Variants in HCAR1 observed in about 807,000 individuals in gnomAD.
HCAR1 encodes G protein-coupled receptor 104.
For missense variants in HCAR1, 445 were observed against 448.7 expected (o/e 0.99, Z 0.07); for synonymous variants, 183 against 182.1 (o/e 1.01, Z -0.04).
At position 122,730,210 on chromosome 12, in the gene HCAR1, T is replaced by G; in HGVS notation, c.130A>C (p.Met44Leu). 3 of 1,614,164 alleles carry G rather than the reference T, an allele frequency of 1.9e-6. No individual in the cohort carries two copies. Among genetic ancestry groups the G allele is most frequent in the Non-Finnish European group, 2.5e-6 (3 of 1,180,026 alleles). Residue 44 changes from methionine (M) to leucine (L), a missense_variant, in exon 1 of 1, where the codon ATG becomes CTG. Coordinates refer to ENST00000432564, the MANE Select transcript of HCAR1 (RefSeq NM_032554.4). ...ACAGTGCTGGGCTTCCAGGTCTTCA[T>G]GTGGAAGCAGAAACCACACAGGGCG... ...GVALCGFCFHMKTWKPSTVYL... is the reference protein window; with the variant it reads ...GVALCGFCFHLKTWKPSTVYL...
In HCAR1 at chr12:122,730,104, C is replaced by G. The variant is rs1463262622; in HGVS notation, c.236G>C (p.Arg79Thr). The change falls in exon 1 of 1, where the codon AGA becomes ACA. Residue 79 changes from arginine to threonine, a missense_variant. Arg to Thr is a moderately conservative substitution (Grantham distance 71). Coordinates refer to ENST00000432564, the MANE Select transcript of HCAR1 (RefSeq NM_032554.4). ...GGGAATGTCCCCAAAAGCCCAGTGT[C>G]TACGTCTGAGGTAATAGTCTGTCCG... Reference protein sequence around the residue: ...PFRTDYYLRRRHWAFGDIPCR... With the variant: ...PFRTDYYLRRTHWAFGDIPCR... 1 of 1,614,142 alleles carries G rather than the reference C, an allele frequency of 6.2e-7. No individual in the cohort carries two copies. Among genetic ancestry groups the G allele is most frequent in the Non-Finnish European group, 8.5e-7 (1 of 1,180,020 alleles).
In HCAR1 at chr12:122,730,437, C is replaced by G; in HGVS notation, c.-98G>C. 2 of 942,576 alleles carry G rather than the reference C, an allele frequency of 2.1e-6. No individual in the cohort carries two copies. The highest frequency in any genetic ancestry group is 3.1e-6 in the Non-Finnish European group (2 of 645,992). 58.4% of individuals were successfully genotyped at this position (942,576 alleles called of 1,614,324 possible). A position where few individuals can be genotyped will look rare whatever the true frequency, so the allele number is the denominator to read the frequency against. On this transcript the variant is annotated 5_prime_UTR_variant, in exon 1 of 1. Transcript: ENST00000432564. ...AGCGTTAGCACTCACCCAGCTGCTG[C>G]GTGTCTGACTTCATCACCCAGGATG...
rs1877865794 is a variant in HCAR1, at chr12:122,729,183, C to T, written c.*116G>A. The T allele has an allele frequency of 1.1e-5, 9 of 856,414 alleles. No homozygotes were observed. Among genetic ancestry groups the T allele is most frequent in the East Asian group, 2.5e-5 (1 of 39,964 alleles). The allele number at this position is 856,414 out of a possible 1,614,324, so 53.1% of individuals were successfully genotyped here. A position where few individuals can be genotyped will look rare whatever the true frequency, so the allele number is the denominator to read the frequency against. On this transcript the variant is annotated 3_prime_UTR_variant, in exon 1 of 1. Coordinates refer to ENST00000432564, the MANE Select transcript of HCAR1 (RefSeq NM_032554.4). ...GAATGAGAAGGATGCAGTTCATGTG[C>T]GAGAAGCCGTCTTGCAATAAGAAAG...
Position 122,729,434 on chromosome 12 carries a change from T to C in HCAR1, c.906A>G (p.Pro302=), listed in dbSNP as rs1344437045. ...CCGGCCTTTGTGTTTTTGAGTGTCC[T>C]GGCTGCTTGGGTTTCAGACTGCAGA... is the stretch of plus-strand genomic sequence containing the variant. ...LKICSLKPKQ[P]GHSKTQRPEE... The change falls in exon 1 of 1, where the codon CCA becomes CCG. Residue 302 remains proline (P), a synonymous_variant. Transcript: ENST00000432564. The C allele has an allele frequency of 1.2e-5, 20 of 1,614,124 alleles. No homozygotes were observed. Among genetic ancestry groups the C allele is most frequent in the Non-Finnish European group, 1.6e-5 (19 of 1,180,030 alleles).
rs954286130 is a variant in HCAR1 at position 122,729,201 on chromosome 12, TAAG to T, written c.*95_*97del. On this transcript the variant is annotated 3_prime_UTR_variant, in exon 1 of 1. Transcript: ENST00000432564. The stretch of plus-strand genomic sequence containing the variant: ...TCATGTGCGAGAAGCCGTCTTGCAA[TAAG>T]AAAGGGGGGTGGCATTTTCAAAGCC... 2.8e-6 allele frequency: 3 copies of T among 1,089,320 alleles called. No individual in the cohort carries two copies. The highest frequency in any genetic ancestry group is 3.1e-5 in the African/African-American group (2 of 63,570). 67.5% of individuals were successfully genotyped at this position (1,089,320 alleles called of 1,614,324 possible). A position where few individuals can be genotyped will look rare whatever the true frequency, so the allele number is the denominator to read the frequency against.
Position 122,729,583 on chromosome 12 carries a change from C to T in HCAR1, c.757G>A (p.Asp253Asn), listed in dbSNP as rs36124671. 61 of 1,613,874 alleles carry T rather than the reference C, an allele frequency of 3.8e-5. No homozygotes were observed. In the South Asian group the frequency reaches 5.4e-4, roughly 14 times the overall value. The change falls in exon 1 of 1, where the codon GAT (aspartate) becomes AAT (asparagine). Residue 253 changes from aspartate (D) to asparagine (N), a missense_variant. Asp to Asn is a conservative substitution (Grantham distance 23). Transcript: ENST00000432564. ...FLWTVPSSAC[D>N]PSVHGALHIT... ...TGCAGGGCCCCATGGACAGAGGGATCGCAGGCACTCGAGGGCACCGTCCAG... is the reference window on the plus strand; with the variant it reads ...TGCAGGGCCCCATGGACAGAGGGATTGCAGGCACTCGAGGGCACCGTCCAG...
In HCAR1 at chr12:122,729,294, CT is replaced by C; in HGVS notation, c.*4del. 6.2e-7 allele frequency: 1 copy of C among 1,610,762 alleles called. No individual in the cohort carries two copies. Among genetic ancestry groups the C allele is most frequent in the Non-Finnish European group, 8.5e-7 (1 of 1,177,498 alleles). On this transcript the variant is annotated 3_prime_UTR_variant, in exon 1 of 1. Transcript: ENST00000432564. ...TATCTTCCTCAGTGTTGTTGGTCTG[CT>C]TGTTCAGTGCCACTCAACAATGTGG...
In HCAR1 at chr12:122,727,853, T is replaced by C. The variant is rs1420011661; in HGVS notation, c.*1446A>G. 1 of 152,174 alleles carries C rather than the reference T, an allele frequency of 6.6e-6. No homozygotes were observed. The highest frequency in any genetic ancestry group is 2.4e-5 in the African/African-American group (1 of 41,426). 9.4% of individuals were successfully genotyped at this position (152,174 alleles called of 1,614,324 possible). A position where few individuals can be genotyped will look rare whatever the true frequency, so the allele number is the denominator to read the frequency against. ...GGAGTTGAGAACCATGTTCACCACTTTGTAGCTTGAGAAAGGAGCTAGAGT... is the reference window on the plus strand; with the variant it reads ...GGAGTTGAGAACCATGTTCACCACTCTGTAGCTTGAGAAAGGAGCTAGAGT... On this transcript the variant is annotated 3_prime_UTR_variant, in exon 1 of 1. Coordinates refer to ENST00000432564, the MANE Select transcript of HCAR1 (RefSeq NM_032554.4).
At position 122,726,940 on chromosome 12, in the gene HCAR1, T is replaced by TATATATATAGATAG. The variant is rs1555249868; in HGVS notation, c.*2358_*2359insCTATCTATATATAT. 2 of 131,402 alleles carry TATATATATAGATAG rather than the reference T, an allele frequency of 1.5e-5. No individual in the cohort carries two copies. Among genetic ancestry groups the TATATATATAGATAG allele is most frequent in the African/African-American group, 6.1e-5 (2 of 32,672 alleles). The allele number at this position is 131,402 out of a possible 1,614,324, so 8.1% of individuals were successfully genotyped here. ...AAAAAAAAAAAAAAATATATATATA[T>TATATATATAGATAG]ATAGATAGATAGATATCTATATATC... On this transcript the variant is annotated 3_prime_UTR_variant, in exon 1 of 1. Coordinates refer to ENST00000432564, the MANE Select transcript of HCAR1 (RefSeq NM_032554.4).
rs1877843468 is a variant in HCAR1 at position 122,728,411 on chromosome 12, C to CGTACAGATGTACATTTGGACAAAAT, written c.*863_*887dup. 6.6e-6 allele frequency: 1 copy of CGTACAGATGTACATTTGGACAAAAT among 152,030 alleles called. No individual in the cohort carries two copies. The highest frequency in any genetic ancestry group is 1.5e-5 in the Non-Finnish European group (1 of 68,030). The allele number at this position is 152,030 out of a possible 1,614,324, so 9.4% of individuals were successfully genotyped here. A position where few individuals can be genotyped will look rare whatever the true frequency, so the allele number is the denominator to read the frequency against. On this transcript the variant is annotated 3_prime_UTR_variant, in exon 1 of 1. Transcript: ENST00000432564. Reference sequence around the variant, plus strand: ...ACCAGGAAGTCACAATGATGACAGACGTACAGATGTACATTTGGACAAAAT... The same window carrying CGTACAGATGTACATTTGGACAAAAT: ...ACCAGGAAGTCACAATGATGACAGACGTACAGATGTACATTTGGACAAAATGTACAGATGTACATTTGGACAAAAT...
chr12:122,730,431 C>A lies in HCAR1; in HGVS notation c.-92G>T. The A allele has an allele frequency of 9.9e-7, 1 of 1,009,134 alleles. No homozygotes were observed. The highest frequency in any genetic ancestry group is 1.4e-6 in the Non-Finnish European group (1 of 703,724). 62.5% of individuals were successfully genotyped at this position (1,009,134 alleles called of 1,614,324 possible). A position where few individuals can be genotyped will look rare whatever the true frequency, so the allele number is the denominator to read the frequency against. The stretch of plus-strand genomic sequence containing the variant: ...TATCTGAGCGTTAGCACTCACCCAG[C>A]TGCTGCGTGTCTGACTTCATCACCC... On this transcript the variant is annotated 5_prime_UTR_variant, in exon 1 of 1. Transcript: ENST00000432564.
rs973973477 is a variant in HCAR1, at chr12:122,730,676, CG to C, written c.-338del. 8.4e-6 allele frequency: 2 copies of C among 238,896 alleles called. No individual in the cohort carries two copies. Among genetic ancestry groups the C allele is most frequent in the African/African-American group, 4.5e-5 (2 of 44,146 alleles). 14.8% of individuals were successfully genotyped at this position (238,896 alleles called of 1,614,324 possible). A position where few individuals can be genotyped will look rare whatever the true frequency, so the allele number is the denominator to read the frequency against. Reference sequence around the variant, plus strand: ...TGAGAGGCGGTAGGGTGGGGGGGTCCGATGAGATTGATGCCGTAGAGGAGCG... The same window carrying C: ...TGAGAGGCGGTAGGGTGGGGGGGTCCATGAGATTGATGCCGTAGAGGAGCG... On this transcript the variant is annotated 5_prime_UTR_variant, in exon 1 of 1. The change creates a new upstream start codon in the 5' untranslated region. Transcript: ENST00000432564.
chr12:122,729,935 G>A lies in HCAR1; in HGVS notation c.405C>T (p.Ile135=). Residue 135 remains isoleucine (I), a synonymous_variant, in exon 1 of 1, where the codon ATC becomes ATT. Coordinates refer to ENST00000432564, the MANE Select transcript of HCAR1 (RefSeq NM_032554.4). ...TGACCAGGGCCCACAGGGTGCAGAC[G>A]ATGCCAGCCGCCACCCGGGTGGAGA... is the stretch of plus-strand genomic sequence containing the variant. ...NTISTRVAAG[I]VCTLWALVIL... is the part of the protein sequence containing the mutation. 6.2e-7 allele frequency: 1 copy of A among 1,613,336 alleles called. No homozygotes were observed.
chr12:122,729,502 A>G lies in HCAR1; in HGVS notation c.838T>C (p.Phe280Leu). 6.2e-7 allele frequency: 1 copy of G among 1,614,100 alleles called. No individual in the cohort carries two copies. The highest frequency in any genetic ancestry group is 8.5e-7 in the Non-Finnish European group (1 of 1,180,032). Residue 280 changes from phenylalanine to leucine, a missense_variant, in exon 1 of 1, where the codon TTT becomes CTT. Coordinates refer to ENST00000432564, the MANE Select transcript of HCAR1 (RefSeq NM_032554.4). ...NSMLDPLVYY[F>L]SSPSFPKFYN... ...AATTTGGGAAAGGAGGGGCTTGAAAAATAATACACCAGGGGATCCAGCATG... is the reference window on the plus strand; with the variant it reads ...AATTTGGGAAAGGAGGGGCTTGAAAGATAATACACCAGGGGATCCAGCATG...
chr12:122,730,384 TC>T lies in HCAR1; in HGVS notation c.-46del. 1 of 1,445,988 alleles carries T rather than the reference TC, an allele frequency of 6.9e-7. No homozygotes were observed. The highest frequency in any genetic ancestry group is 9.3e-7 in the Non-Finnish European group (1 of 1,074,654). 89.6% of individuals were successfully genotyped at this position (1,445,988 alleles called of 1,614,324 possible). ...TCCGGGTGCAGAGCAGCCCAGGGAG[TC>T]CCCACAATGGCACAGATGCTTATCT... On this transcript the variant is annotated 5_prime_UTR_variant, in exon 1 of 1. Coordinates refer to ENST00000432564, the MANE Select transcript of HCAR1 (RefSeq NM_032554.4).
At position 122,728,585 on chromosome 12, in the gene HCAR1, A is replaced by G; in HGVS notation, c.*714T>C. 6.6e-6 allele frequency: 1 copy of G among 152,338 alleles called. No individual in the cohort carries two copies. Among genetic ancestry groups the G allele is most frequent in the Non-Finnish European group, 1.5e-5 (1 of 68,108 alleles). The allele number at this position is 152,338 out of a possible 1,614,324, so 9.4% of individuals were successfully genotyped here. ...AAGGAATGATTTAAGGTCAGAGGAT[A>G]GGAAATGCTGCTAACTGCCCCATAG... On this transcript the variant is annotated 3_prime_UTR_variant, in exon 1 of 1. Transcript: ENST00000432564.
Position 122,729,344 on chromosome 12 carries a change from G to A in HCAR1, c.996C>T (p.Ser332=). 1.2e-6 allele frequency: 2 copies of A among 1,614,106 alleles called. No homozygotes were observed. Among genetic ancestry groups the A allele is most frequent in the Non-Finnish European group, 1.7e-6 (2 of 1,180,022 alleles). The part of the protein sequence containing the change: ...SCISVANSFQ[S]QSDGQWDPHI... ...GGGGATCCCATTGCCCATCAGACTG[G>A]CTTTGGAAACTATTTGCCACACTGA... Residue 332 remains serine, a synonymous_variant, in exon 1 of 1, where the codon AGC becomes AGT. Transcript: ENST00000432564.
rs974442611 is a variant in HCAR1, at chr12:122,727,688, A to G, written c.*1611T>C. On this transcript the variant is annotated 3_prime_UTR_variant, in exon 1 of 1. Coordinates refer to ENST00000432564, the MANE Select transcript of HCAR1 (RefSeq NM_032554.4). ...CTCCATGTTGGTCAGGCTGGTCTAG[A>G]ACTCCTGACCTCAGGTGATCCGCCT... 1 of 152,194 alleles carries G rather than the reference A, an allele frequency of 6.6e-6. No individual in the cohort carries two copies. Among genetic ancestry groups the G allele is most frequent in the Non-Finnish European group, 1.5e-5 (1 of 68,070 alleles). The allele number at this position is 152,194 out of a possible 1,614,324, so 9.4% of individuals were successfully genotyped here. A position where few individuals can be genotyped will look rare whatever the true frequency, so the allele number is the denominator to read the frequency against.
rs1363935560 is a variant in HCAR1 at position 122,729,787 on chromosome 12, A to G, written c.553T>C (p.Phe185Leu). Residue 185 changes from phenylalanine to leucine, a missense_variant, in exon 1 of 1, where the codon TTC becomes CTC. Phe to Leu is a conservative substitution (Grantham distance 22, BLOSUM62 0). Transcript: ENST00000432564. ...AAGATGATGCCGAGGGGCATAAAGA[A>G]CTCCAGCTGGAACATGATGTCATGC... ...GWHDIMFQLE[F>L]FMPLGIILFC... 1 of 1,610,062 alleles carries G rather than the reference A, an allele frequency of 6.2e-7. No homozygotes were observed.
Sources: gnomAD v4.1 joint callset for allele counts on GRCh38, gnomAD v4.1.1 for gene constraint, MANE v1.5 for transcripts, NCBI Gene and HGNC (gene_info 2026-07-23, HGNC 2026-07-21) for gene names.